GHR: variants seen among roughly 807,000 people sequenced by gnomAD.
GHR encodes the protein GH receptor.
A neutral mutation model predicts 67.1 loss-of-function variants in GHR; 35 were observed. That is an observed-to-expected ratio of 0.52 (90% CI 0.40 to 0.69). The LOEUF (loss-of-function observed/expected upper bound fraction) is 0.69. GHR is among the 30% of genes least tolerant of loss of function. The pLI is 0.00. For synonymous variants in GHR, 272 were observed against 269.1 expected, an observed-to-expected ratio of 1.01 and a Z score of -0.10; for missense variants, 792 against 764.6, an observed-to-expected ratio of 1.04 and a Z score of -0.42.
intron 1 of GHR, among the ~76,000 whole-genome samples, chr5:42,426,149 T>C (rs763229862): frequency 4.6e-5 from 7 of 152,302 alleles, no homozygotes; most frequent in Middle Eastern, 3.4e-3. Context: ...TGGTAACCTA[T>C]GGGATTGTCA....
chr5:42,562,258 A>C (rs1428909066), intron 1 of GHR, among the ~76,000 whole-genome samples: 3 of 152,158 alleles, frequency 2.0e-5, no homozygotes, highest in Admixed American at 6.5e-5. Flanking sequence ...GGCTCATGTG[A>C]GGGCACTAGA....
chr5:42,632,552 G>A (rs1753979856), intron 3 of GHR, among the ~76,000 whole-genome samples: 1 of 152,228 alleles, frequency 6.6e-6, no homozygotes, highest in Admixed American at 6.5e-5. Flanking sequence ...TTGCTGTGCT[G>A]GCAAAAGGTC....
At chr5:42,574,237 G>A (rs917863816) in intron 2 of GHR, among the ~76,000 whole-genome samples, 1 of 152,222 alleles carries the variant, frequency 6.6e-6, no homozygotes, top group African/African-American at 2.4e-5. Context: ...GAAGAGTCCT[G>A]CCCTGTGTCA....
At chr5:42,534,361 CATGTGTAT>C (rs1449484283) in intron 1 of GHR, among the ~76,000 whole-genome samples, 3 of 95,984 alleles carry the variant, frequency 3.1e-5, no homozygotes, top group African/African-American at 7.8e-5. Context: ...TATATATGTA[CATGTGTAT>C]ATGTGTATAT....
chr5:42,656,243 C>A (rs1000949544), intron 3 of GHR, among the ~76,000 whole-genome samples: 4 of 152,158 alleles, frequency 2.6e-5, no homozygotes, highest in African/African-American at 9.7e-5. Context: ...CTTTATGCAA[C>A]TCTTACATGC....
At chr5:42,465,581 T>C in intron 1 of GHR, 1 of 1,252,090 alleles carries the variant, frequency 8.0e-7, no homozygotes, top group Non-Finnish European at 1.2e-6. Context: ...ACTGCAATTA[T>C]AAGATATTTG....
intron 6 of GHR, among the ~76,000 whole-genome samples, chr5:42,701,478 C>A (rs1185900978): frequency 1.3e-5 from 2 of 152,118 alleles, no homozygotes; most frequent in Non-Finnish European, 2.9e-5. Context: ...GACTGAGTTG[C>A]CAGCTGAACT....
intron 2 of GHR, among the ~76,000 whole-genome samples, chr5:42,591,145 C>T (rs377530849): frequency 1.3e-5 from 2 of 152,226 alleles, no homozygotes; most frequent in Admixed American, 1.3e-4. Flanking sequence ...GGGAACCCTG[C>T]AAGTTTAAGC....
At chr5:42,497,908 T>C (rs1484067614) in intron 1 of GHR, among the ~76,000 whole-genome samples, 1 of 152,132 alleles carries the variant, frequency 6.6e-6, no homozygotes. Context: ...ATGGCAGGCC[T>C]TCTCTCTCTG....
At chr5:42,442,111 A>G (rs2111959422) in intron 1 of GHR, among the ~76,000 whole-genome samples, 1 of 152,278 alleles carries the variant, frequency 6.6e-6, no homozygotes, top group Admixed American at 6.5e-5. Flanking sequence ...GATGCCTTAT[A>G]TCTGCTCCAG....
At chr5:42,500,444 T>C (rs1746493059) in intron 1 of GHR, among the ~76,000 whole-genome samples, 1 of 152,250 alleles carries the variant, frequency 6.6e-6, no homozygotes, top group African/African-American at 2.4e-5. Context: ...AAAATGAAGA[T>C]AAATACTTGT....
At chr5:42,561,504 T>C (rs1258649691) in intron 1 of GHR, among the ~76,000 whole-genome samples, 1 of 152,220 alleles carries the variant, frequency 6.6e-6, no homozygotes, top group East Asian at 1.9e-4. Flanking sequence ...TCTTTTCTCA[T>C]GTGTTTATGA....
At chr5:42,446,471 CTTATAT>C (rs1190009050) in intron 1 of GHR, among the ~76,000 whole-genome samples, 1 of 152,152 alleles carries the variant, frequency 6.6e-6, no homozygotes, top group Non-Finnish European at 1.5e-5. Context: ...AGGCAGGGTT[CTTATAT>C]TTATATCAGT....
intron 3 of GHR, among the ~76,000 whole-genome samples, chr5:42,687,055 G>T (rs565035040): frequency 6.6e-6 from 1 of 152,076 alleles, no homozygotes; most frequent in African/African-American, 2.4e-5. Flanking sequence ...GCCAAATCAC[G>T]AGCAAACTCC....
At chr5:42,441,731 G>A (rs1417223856) in intron 1 of GHR, among the ~76,000 whole-genome samples, 23 of 152,208 alleles carry the variant, frequency 1.5e-4, no homozygotes, top group African/African-American at 4.8e-4. Context: ...GGATGGTCTC[G>A]ATCTCCTGAC....
At chr5:42,691,874 G>A (rs377014612) in intron 4 of GHR, among the ~76,000 whole-genome samples, 80 of 152,352 alleles carry the variant, frequency 5.3e-4, no homozygotes, top group African/African-American at 1.9e-3. Flanking sequence ...GCTTGCAGGG[G>A]ACTCAGGATG....
intron 1 of GHR, among the ~76,000 whole-genome samples, chr5:42,438,442 C>T (rs1432336518): frequency 6.6e-6 from 1 of 152,148 alleles, no homozygotes; most frequent in Non-Finnish European, 1.5e-5. Flanking sequence ...ACTCAGGTGA[C>T]TCATTTCTAT....
chr5:42,604,266 G>A (rs1561160704), intron 2 of GHR, among the ~76,000 whole-genome samples: 1 of 152,158 alleles, frequency 6.6e-6, no homozygotes, highest in Non-Finnish European at 1.5e-5. Flanking sequence ...GACCTCATTG[G>A]ATAGGCATGA....
chr5:42,473,702 C>G (rs1049955637), intron 1 of GHR, among the ~76,000 whole-genome samples: 8 of 151,648 alleles, frequency 5.3e-5, no homozygotes, highest in Admixed American at 5.3e-4. Flanking sequence ...CATGGTGAAA[C>G]CCCGTCTCTA....
Sources: gnomAD v4.1 joint callset for allele counts (sites outside exome capture counted in the v4.1 genomes callset) on GRCh38, gnomAD v4.1.1 for gene constraint, MANE v1.5 for transcripts, NCBI Gene and HGNC (gene_info 2026-07-23, HGNC 2026-07-21) for gene names.